Variants in BBS9 observed in about 807,000 individuals in gnomAD.
The protein encoded by BBS9 is Bardet-Biedl syndrome 9, also known as protein PTHB1.
Under a neutral mutation model 117.7 loss-of-function variants are expected in BBS9, and 89 were observed. That is an observed-to-expected ratio of 0.76 (90% CI 0.64 to 0.90). The LOEUF is 0.90. Ranked by LOEUF, BBS9 falls within the 40% of genes least tolerant of loss-of-function variation. The probability of loss-of-function intolerance (pLI) is 0.00; values close to 1 mark genes in which losing one functional copy is unlikely to be tolerated. For synonymous variants in BBS9, 379 were observed against 370.9 expected (o/e 1.02, Z -0.25); for missense variants, 982 against 1,042.2 (o/e 0.94, Z 0.80).
At chr7:33,590,399 T>C (rs1197229192) in intron 21 of BBS9, among the ~76,000 whole-genome samples, 7 of 151,588 alleles carry the variant, frequency 4.6e-5, no homozygotes, top group Admixed American at 3.3e-4. Flanking sequence ...CCCTAATCTT[T>C]GTTCTTTCTT....
rs560726600 is a variant in BBS9, at chr7:33,405,395, A to C, written c.2115+17251A>C. Among the ~76,000 whole-genome samples the C allele has an allele frequency of 5.9e-3, 889 of 151,960 alleles. 6 individuals carry two copies. Among genetic ancestry groups the C allele is most frequent in the African/African-American group, 0.02 (825 of 41,428 alleles). On this transcript the variant is annotated intron_variant, in intron 19 of 22. Coordinates refer to ENST00000242067, the MANE Select transcript of BBS9 (RefSeq NM_198428.3). ...GGGAGGATTCCCTCTTTTTCTATTG[A>C]TTGGAATAGTTTCAGAAGGAATGGT...
intron 9 of BBS9, among the ~76,000 whole-genome samples, chr7:33,318,071 A>G (rs1486303927): frequency 2.0e-5 from 3 of 152,188 alleles, no homozygotes. Flanking sequence ...TACAAAACAG[A>G]ACAAAACAAA....
intron 21 of BBS9, among the ~76,000 whole-genome samples, chr7:33,630,359 T>G (rs1865831188): frequency 6.6e-6 from 1 of 152,172 alleles, no homozygotes; most frequent in African/African-American, 2.4e-5. Flanking sequence ...ATTTTTTTTT[T>G]CAAATCACAG....
intron 9 of BBS9, among the ~76,000 whole-genome samples, chr7:33,281,654 G>A (rs75446462): frequency 6.6e-6 from 1 of 151,336 alleles, no homozygotes; most frequent in African/African-American, 2.4e-5. Context: ...GGGATTACAG[G>A]TGTGAGCCAT....
chr7:33,482,724 T>A (rs1213577651), intron 19 of BBS9, among the ~76,000 whole-genome samples: 7 of 152,204 alleles, frequency 4.6e-5, no homozygotes. Context: ...TCTGTAACTT[T>A]CCAGGTTCTA....
chr7:33,405,477 A>G (rs1484065313), intron 19 of BBS9, among the ~76,000 whole-genome samples: 3 of 151,414 alleles, frequency 2.0e-5, no homozygotes, highest in African/African-American at 2.4e-5. Flanking sequence ...CTGGTCGTGG[A>G]CTCTTTTTGG....
In BBS9 at chr7:33,510,507, C is replaced by T. The variant is rs145483839; in HGVS notation, c.2298+4862C>T. Reference sequence around the variant, plus strand: ...GGACAAATCTCTTTACTCATTTATTCATTCAATGAAGATCTTAGCACATAC... The same window carrying T: ...GGACAAATCTCTTTACTCATTTATTTATTCAATGAAGATCTTAGCACATAC... On this transcript the variant is annotated intron_variant, in intron 20 of 22. Transcript: ENST00000242067. Among the ~76,000 whole-genome samples, 13 of 152,142 alleles carry T rather than the reference C, an allele frequency of 8.5e-5. No homozygotes were observed. The East Asian group carries it at 2.5e-3, about 30-fold the overall frequency.
intron 17 of BBS9, among the ~76,000 whole-genome samples, chr7:33,382,848 G>A (rs1825333809): frequency 6.6e-6 from 1 of 152,194 alleles, no homozygotes; most frequent in Admixed American, 6.5e-5. Context: ...AGAAGGATAT[G>A]AACTATTAAT....
At chr7:33,193,628 A>G (rs10270013) in intron 5 of BBS9, among the ~76,000 whole-genome samples, 122,605 of 151,804 alleles carry the variant, frequency 0.81, 49,700 homozygotes, top group Admixed American at 0.86. Flanking sequence ...ACGGTTGGAT[A>G]TCATGCAGTG....
intron 5 of BBS9, among the ~76,000 whole-genome samples, chr7:33,188,444 T>C (rs1393955589): frequency 6.6e-6 from 1 of 152,212 alleles, no homozygotes; most frequent in Non-Finnish European, 1.5e-5. Flanking sequence ...TAAGGGACAA[T>C]TATTTTCTTT....
At chr7:33,234,787 G>T (rs1163309634) in intron 5 of BBS9, among the ~76,000 whole-genome samples, 1 of 151,772 alleles carries the variant, frequency 6.6e-6, no homozygotes, top group East Asian at 1.9e-4. Flanking sequence ...ACAGACACGG[G>T]TAAAAACATC....
downstream of BBS9, among the ~76,000 whole-genome samples, chr7:33,607,084 G>C (rs1585465900): frequency 6.6e-6 from 1 of 152,048 alleles, no homozygotes; most frequent in African/African-American, 2.4e-5. Context: ...TTGTATTTCA[G>C]AAGTCATGTT....
At position 33,474,678 on chromosome 7, in the gene BBS9, T is replaced by G. The variant is rs564757408; in HGVS notation, c.2116-30785T>G. 2.6e-5 allele frequency among the ~76,000 whole-genome samples: 4 copies of G among 152,200 alleles called. No homozygotes were observed. The East Asian group carries it at 7.7e-4, about 29-fold the overall frequency. On this transcript the variant is annotated intron_variant, in intron 19 of 22. Coordinates refer to ENST00000242067, the MANE Select transcript of BBS9 (RefSeq NM_198428.3). ...AATAAGGAATGCTGGCTGGGCGTGA[T>G]GGCTCACTCCTGTAATCGCAGCACT... is the stretch of plus-strand genomic sequence containing the variant.
chr7:33,142,179 C>T (rs1791584001), intron 1 of BBS9, among the ~76,000 whole-genome samples: 1 of 152,140 alleles, frequency 6.6e-6, no homozygotes, highest in Non-Finnish European at 1.5e-5. Flanking sequence ...CCTCGGCCTC[C>T]CAAAGTGCTG....
At chr7:33,605,174 T>G in intron 22 of BBS9, 21 bp from the exon 23 acceptor site, 1 of 1,603,956 alleles carries the variant, frequency 6.2e-7, no homozygotes, top group Non-Finnish European at 8.5e-7. Context: ...TCTCTTTCTC[T>G]CTTACTCTCT....
chr7:33,275,589 T>G (rs1800622370), intron 9 of BBS9, among the ~76,000 whole-genome samples: 1 of 152,244 alleles, frequency 6.6e-6, no homozygotes, highest in Admixed American at 6.5e-5. Context: ...TCATTTTGAC[T>G]TATAATCTTC....
chr7:33,259,336 T>C (rs1358437436), intron 6 of BBS9, among the ~76,000 whole-genome samples: 1 of 152,174 alleles, frequency 6.6e-6, no homozygotes. Flanking sequence ...CAAACTTCAG[T>C]GTACGTAGGA....
chr7:33,486,157 T>G (rs928731296), intron 19 of BBS9, among the ~76,000 whole-genome samples: 4 of 151,256 alleles, frequency 2.6e-5, no homozygotes, highest in African/African-American at 4.9e-5. Flanking sequence ...TAAGGCACAG[T>G]TTTTTTTTCC....
rs117673109 is a variant in BBS9, at chr7:33,154,879, T to C, written c.264-759T>C. Among the ~76,000 whole-genome samples the C allele has an allele frequency of 3.0e-3, 450 of 152,370 alleles. 2 individuals carry two copies. The highest frequency in any genetic ancestry group is 5.0e-3 in the Non-Finnish European group (339 of 68,028). ...GCTTTTCTTGAAAAATGTGGGGCTC[T>C]GGCCCCAAGCCCAGAACCAAGTAAT... On this transcript the variant is annotated intron_variant, in intron 3 of 22. Coordinates refer to ENST00000242067, the MANE Select transcript of BBS9 (RefSeq NM_198428.3).
Sources: allele counts gnomAD v4.1 joint callset (sites outside exome capture counted in the v4.1 genomes callset), GRCh38; gene constraint gnomAD v4.1.1; transcripts MANE v1.5; gene names NCBI Gene and HGNC (gene_info 2026-07-23, HGNC 2026-07-21).